Variants in MAP4K3 observed in about 807,000 individuals in gnomAD.
MAP4K3 encodes mitogen-activated protein kinase kinase kinase kinase 3.
A neutral mutation model predicts 143.5 loss-of-function variants in MAP4K3; 94 were observed. That is an observed-to-expected ratio of 0.65 (90% confidence interval 0.55 to 0.78). MAP4K3 has a LOEUF of 0.78. Ranked by LOEUF, MAP4K3 falls within the 30% of genes least tolerant of loss-of-function variation. MAP4K3 has a pLI of 0.00. For synonymous variants in MAP4K3, 416 were observed against 347.2 expected, an observed-to-expected ratio of 1.20 and a Z score of -2.20; for missense variants, 1,077 against 1,068.1, an observed-to-expected ratio of 1.01 and a Z score of -0.12.
At chr2:39,282,466 C>CA (rs1558620139) in intron 22 of MAP4K3, 47 bp downstream of exon 22, 1 of 1,485,816 alleles carries the variant, frequency 6.7e-7, no homozygotes, top group Non-Finnish European at 9.3e-7. Context: ...ATAACACACA[C>CA]AAGTGACTTA....
At chr2:39,415,584 G>C (rs928143063) in intron 1 of MAP4K3, among the ~76,000 whole-genome samples, 1 of 152,100 alleles carries the variant, frequency 6.6e-6, no homozygotes, top group African/African-American at 2.4e-5. Flanking sequence ...TGGTATTTAT[G>C]TCTCTCCAAT....
intron 8 of MAP4K3, among the ~76,000 whole-genome samples, chr2:39,330,143 T>C (rs1365664435): frequency 6.6e-6 from 1 of 152,054 alleles, no homozygotes; most frequent in East Asian, 1.9e-4. Context: ...TGAAAAGACA[T>C]GAGTCTTTGG....
At chr2:39,344,704 T>C (rs190210234) in intron 3 of MAP4K3, among the ~76,000 whole-genome samples, 39 of 152,222 alleles carry the variant, frequency 2.6e-4, no homozygotes, top group Non-Finnish European at 3.1e-4. Flanking sequence ...GAGATGAAAA[T>C]ACCTAGGAAA....
chr2:39,333,808 T>C (rs1683764759), intron 6 of MAP4K3, among the ~76,000 whole-genome samples: 2 of 152,174 alleles, frequency 1.3e-5, no homozygotes, highest in African/African-American at 4.8e-5. Context: ...GCTACTAACA[T>C]AGTATGAATG....
At chr2:39,281,085 T>C (rs535989245) in intron 22 of MAP4K3, among the ~76,000 whole-genome samples, 1 of 152,304 alleles carries the variant, frequency 6.6e-6, no homozygotes, top group South Asian at 2.1e-4. Flanking sequence ...GGTACAAGAA[T>C]GTTGACTCAG....
Position 39,417,378 on chromosome 2 carries a change from C to T in MAP4K3, c.96+19514G>A, listed in dbSNP as rs556818163. Among the ~76,000 whole-genome samples, 150 of 152,232 alleles carry T rather than the reference C, an allele frequency of 9.9e-4. 1 individual carries two copies. Among genetic ancestry groups the T allele is most frequent in the African/African-American group, 3.3e-3 (138 of 41,548 alleles). On this transcript the variant is annotated intron_variant, in intron 1 of 33. Transcript: ENST00000263881. Reference sequence around the variant, plus strand: ...GGGACTACAGGCGCCTGTCACCACGCCCGGCTAATTTTTTGTATTTTTAGT... The same window carrying T: ...GGGACTACAGGCGCCTGTCACCACGTCCGGCTAATTTTTTGTATTTTTAGT...
chr2:39,343,543 C>G (rs1361737649), intron 3 of MAP4K3, 91 bp from the exon 4 acceptor site: 1 of 940,820 alleles, frequency 1.1e-6, no homozygotes, highest in Non-Finnish European at 1.7e-6. Flanking sequence ...AGCTGTAACA[C>G]TGAAAAACAA....
At chr2:39,254,599 A>G in intron 31 of MAP4K3, 79 bp from the exon 32 acceptor site, 1 of 950,396 alleles carries the variant, frequency 1.1e-6, no homozygotes, top group Non-Finnish European at 1.7e-6. Context: ...CCTCTATCTC[A>G]TACAGCAATA....
chr2:39,418,776 T>C (rs976670555), intron 1 of MAP4K3, among the ~76,000 whole-genome samples: 3 of 151,844 alleles, frequency 2.0e-5, no homozygotes, highest in Non-Finnish European at 4.4e-5. Flanking sequence ...CTACAAAACA[T>C]TGACCAGCAC....
intron 13 of MAP4K3, among the ~76,000 whole-genome samples, chr2:39,313,562 A>G (rs967833037): frequency 2.6e-5 from 4 of 151,170 alleles, no homozygotes; most frequent in Non-Finnish European, 5.9e-5. Flanking sequence ...CCAAGGCTGC[A>G]GTGCAGTAGC....
intron 3 of MAP4K3, 56 bp from the exon 4 acceptor site, chr2:39,343,508 A>G: frequency 1.4e-6 from 2 of 1,408,660 alleles, no homozygotes. Flanking sequence ...TGTCTGTGTG[A>G]GGTAACAAGT....
chr2:39,382,132 G>A (rs2148585364), intron 1 of MAP4K3, among the ~76,000 whole-genome samples: 1 of 152,286 alleles, frequency 6.6e-6, no homozygotes, highest in South Asian at 2.1e-4. Flanking sequence ...ACTAGTTTTG[G>A]AAAGAATTTT....
intron 18 of MAP4K3, among the ~76,000 whole-genome samples, chr2:39,291,408 C>A (rs1040764009): frequency 3.9e-5 from 6 of 152,106 alleles, no homozygotes; most frequent in Non-Finnish European, 7.4e-5. Context: ...AGAACATAAG[C>A]CACATCTGGC....
intron 4 of MAP4K3, among the ~76,000 whole-genome samples, chr2:39,342,881 A>C (rs1665182456): frequency 6.6e-6 from 1 of 152,230 alleles, no homozygotes; most frequent in African/African-American, 2.4e-5. Flanking sequence ...AGAGAAAAGG[A>C]AGAAAAAGAA....
At chr2:39,333,484 A>AT (rs752937561) in intron 7 of MAP4K3, 48 bp downstream of exon 7, 5 of 1,413,630 alleles carry the variant, frequency 3.5e-6, no homozygotes, top group Non-Finnish European at 5.0e-6. Flanking sequence ...AAACTTTACT[A>AT]TATCTTAGAA....
chr2:39,334,438 G>A (rs866430150), intron 6 of MAP4K3, among the ~76,000 whole-genome samples: 2 of 80,220 alleles, frequency 2.5e-5, no homozygotes, highest in Non-Finnish European at 4.0e-5. Flanking sequence ...GAGACAGGGG[G>A]TTGGGGAGAA....
At chr2:39,260,287 T>C (rs1460173332) in intron 29 of MAP4K3, among the ~76,000 whole-genome samples, 1 of 150,602 alleles carries the variant, frequency 6.6e-6, no homozygotes, top group Non-Finnish European at 1.5e-5. Context: ...CTAACTTACA[T>C]GCAATTTTTT....
chr2:39,285,662 C>CTAGTG (rs1473426003), intron 21 of MAP4K3, among the ~76,000 whole-genome samples: 1 of 152,142 alleles, frequency 6.6e-6, no homozygotes, highest in East Asian at 1.9e-4. Context: ...ACAAAAGACT[C>CTAGTG]TAGTGATGTG....
At chr2:39,347,020 G>A (rs995908355) in intron 3 of MAP4K3, among the ~76,000 whole-genome samples, 2 of 151,998 alleles carry the variant, frequency 1.3e-5, no homozygotes, top group African/African-American at 4.8e-5. Context: ...GAGTCCCTGA[G>A]ACATTTTCAG....
Sources: allele counts gnomAD v4.1 joint callset (sites outside exome capture counted in the v4.1 genomes callset), GRCh38; gene constraint gnomAD v4.1.1; transcripts MANE v1.5; gene names NCBI Gene and HGNC (gene_info 2026-07-23, HGNC 2026-07-21).